SLC7A8: variants seen among roughly 807,000 people sequenced by gnomAD.
SLC7A8 encodes the protein solute carrier family 7 member 8, also known as large neutral amino acids transporter small subunit 2.
A neutral mutation model predicts 51.2 loss-of-function variants in SLC7A8; 30 were observed. The observed-to-expected ratio is 0.59, with a 90% CI of 0.44 to 0.80. The LOEUF is 0.80. Ranked by LOEUF, SLC7A8 falls within the 30% of genes least tolerant of loss-of-function variation. The pLI is 0.00. For missense variants in SLC7A8, 612 were observed against 674.4 expected (o/e 0.91, Z 1.03); for synonymous variants, 257 against 275.8 (o/e 0.93, Z 0.67).
At chr14:23,176,576 A>G (rs1451378440) in intron 1 of SLC7A8, among the ~76,000 whole-genome samples, 1 of 152,180 alleles carries the variant, frequency 6.6e-6, no homozygotes, top group Non-Finnish European at 1.5e-5. Context: ...ACAGGTAATT[A>G]TAATAAGTAC....
Position 23,180,127 on chromosome 14 carries a change from T to G in SLC7A8, c.151+2637A>C, listed in dbSNP as rs2268872. Among the ~76,000 whole-genome samples the G allele has an allele frequency of 3.3e-5, 5 of 151,998 alleles. No homozygotes were observed. The South Asian group carries it at 1.0e-3, about 32-fold the overall frequency. Reference sequence around the variant, plus strand: ...TTCACCGTGTTAGCCAGGATGGTCTTGATCTCCTGACCTCGTGATCCGCCC... The same window carrying G: ...TTCACCGTGTTAGCCAGGATGGTCTGGATCTCCTGACCTCGTGATCCGCCC... On this transcript the variant is annotated intron_variant, in intron 1 of 10. Transcript: ENST00000316902.
In SLC7A8 at chr14:23,165,421, C is replaced by G; in HGVS notation, c.372G>C (p.Trp124Cys). 6.3e-7 allele frequency: 1 copy of G among 1,590,458 alleles called. No individual in the cohort carries two copies. The highest frequency in any genetic ancestry group is 8.5e-7 in the Non-Finnish European group (1 of 1,170,558). ...TGGGGTAGATCACCAGCACAGCAAT[C>G]CACAGCCTCAGGAACCTGAAGGAGG... ...FGGLAGFLRL[W>C]IAVLVIYPTN... The change falls in exon 3 of 11, where the codon TGG becomes TGC. Residue 124 changes from tryptophan to cysteine, a missense_variant. By Grantham distance (215) the Trp-to-Cys change is radical (BLOSUM62 -2). Coordinates refer to ENST00000316902, the MANE Select transcript of SLC7A8 (RefSeq NM_012244.4). The surrounding 1 kb of genome is among the most constrained non-coding windows in gnomAD (Gnocchi z 4.2).
At position 23,183,057 on chromosome 14, in the gene SLC7A8, TAAAAG is replaced by T; in HGVS notation, c.-148_-144del. ...CTACTCTCTAAAAAAGGCAAGCAGA[TAAAAG>T]AGAACACGAAAAATATTCCTACTCC... On this transcript the variant is annotated 5_prime_UTR_variant, in exon 1 of 11. The change creates a premature stop within an existing upstream ORF in the 5' untranslated region. Coordinates refer to ENST00000316902, the MANE Select transcript of SLC7A8 (RefSeq NM_012244.4). 1 of 733,966 alleles carries T rather than the reference TAAAAG, an allele frequency of 1.4e-6. No individual in the cohort carries two copies. The highest frequency in any genetic ancestry group is 5.2e-5 in the East Asian group (1 of 19,396). The allele number at this position is 733,966 out of a possible 1,614,324, so 45.5% of individuals were successfully genotyped here. A position where few individuals can be genotyped will look rare whatever the true frequency, so the allele number is the denominator to read the frequency against.
At chr14:23,137,052 A>G (rs1264627866) in intron 7 of SLC7A8, among the ~76,000 whole-genome samples, 1 of 152,188 alleles carries the variant, frequency 6.6e-6, no homozygotes, top group Non-Finnish European at 1.5e-5. Context: ...TTGGAGCAGG[A>G]CTGTACTTTC....
At chr14:23,160,487 C>A (rs976924232) in intron 3 of SLC7A8, among the ~76,000 whole-genome samples, 1 of 150,126 alleles carries the variant, frequency 6.7e-6, no homozygotes, top group Non-Finnish European at 1.5e-5. Flanking sequence ...AGGAGAATGG[C>A]GTGAACCCGG....
At chr14:23,129,838 T>C in intron 8 of SLC7A8, 39 bp from the exon 9 acceptor site, 2 of 1,610,344 alleles carry the variant, frequency 1.2e-6, no homozygotes, top group Non-Finnish European at 8.5e-7. Context: ...ATCCGAAAGA[T>C]ATTCAGAGAC....
At chr14:23,131,610 C>T in intron 7 of SLC7A8, 53 bp from the exon 8 acceptor site, 1 of 1,417,954 alleles carries the variant, frequency 7.1e-7, no homozygotes, top group Middle Eastern at 1.9e-4. Flanking sequence ...CCACCAAGCC[C>T]CAGCTCCTTC....
At chr14:23,171,487 C>T (rs995270613) in intron 1 of SLC7A8, among the ~76,000 whole-genome samples, 2 of 152,188 alleles carry the variant, frequency 1.3e-5, no homozygotes, top group East Asian at 1.9e-4. Context: ...CTTGTCCACA[C>T]GAGAATGTTA....
At chr14:23,177,463 C>T (rs1876974718) in intron 1 of SLC7A8, among the ~76,000 whole-genome samples, 1 of 152,194 alleles carries the variant, frequency 6.6e-6, no homozygotes, top group Admixed American at 6.5e-5. Flanking sequence ...TGAGGCTGCC[C>T]CAGAAACTCT....
intron 1 of SLC7A8, among the ~76,000 whole-genome samples, chr14:23,174,589 G>C (rs933944174): frequency 6.6e-6 from 1 of 152,190 alleles, no homozygotes; most frequent in Non-Finnish European, 1.5e-5. Flanking sequence ...TAGACTTGAG[G>C]GATTATTTTG....
chr14:23,136,423 G>A lies in SLC7A8; in HGVS notation c.1016+1498C>T, dbSNP rs77052333. On this transcript the variant is annotated intron_variant, in intron 7 of 10. Coordinates refer to ENST00000316902, the MANE Select transcript of SLC7A8 (RefSeq NM_012244.4). ...ATCCAACAGCATTTGCAAGTGTCAG[G>A]TTCACAAGAGACAGTCCTTGCCCAG... Among the ~76,000 whole-genome samples, 1,286 of 152,302 alleles carry A rather than the reference G, an allele frequency of 8.4e-3. 11 individuals carry two copies. The highest frequency in any genetic ancestry group is 0.05 in the East Asian group (258 of 5,180).
In SLC7A8 at chr14:23,127,312, A is replaced by G. The variant is rs2048587371; in HGVS notation, c.1473T>C (p.Cys491=). Residue 491 remains cysteine, a synonymous_variant, in exon 11 of 11, where the codon TGT becomes TGC. Transcript: ENST00000316902. Reference sequence around the variant, plus strand: ...GCTCCACCTCGGGGTACACGACCACACACATCTTCTGGCTCACCAGGGTTA... The same window carrying G: ...GCTCCACCTCGGGGTACACGACCACGCACATCTTCTGGCTCACCAGGGTTA... ...ELLTLVSQKM[C]VVVYPEVERG... 1 of 1,613,962 alleles carries G rather than the reference A, an allele frequency of 6.2e-7. No individual in the cohort carries two copies. Among genetic ancestry groups the G allele is most frequent in the African/African-American group, 1.3e-5 (1 of 74,912 alleles).
chr14:23,154,492 T>G, intron 3 of SLC7A8: 2 of 984,170 alleles, frequency 2.0e-6, no homozygotes, highest in Non-Finnish European at 2.4e-6. Context: ...CTTGGCCGCC[T>G]CCCCCGCTTG....
chr14:23,181,543 G>T (rs912736261), intron 1 of SLC7A8, among the ~76,000 whole-genome samples: 1 of 152,140 alleles, frequency 6.6e-6, no homozygotes, highest in African/African-American at 2.4e-5. Context: ...TCTGAATACT[G>T]CACTGATTTT....
chr14:23,180,127 T>C (rs2268872), intron 1 of SLC7A8, among the ~76,000 whole-genome samples: 54,454 of 151,900 alleles, frequency 0.36, 9,940 homozygotes, highest in South Asian at 0.55. Context: ...AGGATGGTCT[T>C]GATCTCCTGA....
chr14:23,140,873 G>A (rs2140312824), intron 4 of SLC7A8, among the ~76,000 whole-genome samples: 1 of 152,316 alleles, frequency 6.6e-6, no homozygotes, highest in East Asian at 1.9e-4. Context: ...TGCTCCTTTT[G>A]TAAAAGGCAA....
chr14:23,137,783 G>A (rs1200290513), intron 7 of SLC7A8, 138 bp downstream of exon 7: 7 of 1,051,832 alleles, frequency 6.7e-6, no homozygotes, highest in African/African-American at 6.4e-5. Flanking sequence ...GCCCTCATGT[G>A]AGCAGTCACC....
At position 23,165,515 on chromosome 14, in the gene SLC7A8, C is replaced by G. The variant is rs2048945126; in HGVS notation, c.357-79G>C. ...CAGGGGAGAGCCCGGGCAAGTCATG[C>G]ATCTCTTTTTTATTTTCAAGGATGC... On this transcript the variant is annotated intron_variant, in intron 2 of 10. Transcript: ENST00000316902. The surrounding 1 kb of genome is among the most constrained non-coding windows in gnomAD (Gnocchi z 4.2). The G allele has an allele frequency of 1.4e-6, 2 of 1,439,856 alleles. No individual in the cohort carries two copies. Among genetic ancestry groups the G allele is most frequent in the Non-Finnish European group, 1.8e-6 (2 of 1,082,446 alleles). The allele number at this position is 1,439,856 out of a possible 1,614,324, so 89.2% of individuals were successfully genotyped here. A position where few individuals can be genotyped will look rare whatever the true frequency, so the allele number is the denominator to read the frequency against.
chr14:23,133,546 G>A (rs1428667291), intron 7 of SLC7A8, among the ~76,000 whole-genome samples: 2 of 152,114 alleles, frequency 1.3e-5, no homozygotes, highest in East Asian at 3.8e-4. Flanking sequence ...AATGTTATGG[G>A]CTAGGCACAG....
Sources: gnomAD v4.1 joint callset for allele counts (sites outside exome capture counted in the v4.1 genomes callset) on GRCh38, gnomAD v4.1.1 for gene constraint, Gnocchi (gnomAD v3.1) non-coding constraint, MANE v1.5 for transcripts, NCBI Gene and HGNC (gene_info 2026-07-23, HGNC 2026-07-21) for gene names.